ACSL3: variants seen among roughly 807,000 people sequenced by gnomAD.
ACSL3 encodes the protein fatty acid CoA ligase Acsl3.
Under a neutral mutation model 84.7 loss-of-function variants are expected in ACSL3, and 34 were observed. The ratio of observed to expected loss-of-function variants is 0.40; its 90% CI spans 0.31 to 0.53. ACSL3 has a LOEUF of 0.53. Among genes scored for constraint, ACSL3 ranks in the 20% least tolerant of loss-of-function variants. The pLI, the probability that ACSL3 is intolerant of heterozygous loss-of-function variation, is 0.48. For missense variants in ACSL3, 680 were observed against 873.1 expected (o/e 0.78, Z 2.79); for synonymous variants, 315 against 299.4 (o/e 1.05, Z -0.54).
At chr2:222,895,053 C>T (rs905529538) in intron 2 of ACSL3, among the ~76,000 whole-genome samples, 9 of 152,098 alleles carry the variant, frequency 5.9e-5, no homozygotes, top group Non-Finnish European at 7.4e-5. Context: ...ACTACTCTGT[C>T]GTGATTCTTA....
chr2:222,925,488 G>C (rs1011579813), intron 11 of ACSL3, among the ~76,000 whole-genome samples: 1 of 152,102 alleles, frequency 6.6e-6, no homozygotes, highest in Non-Finnish European at 1.5e-5. Context: ...AGCTACTTCA[G>C]GGACTGAAGT....
chr2:222,882,081 T>C (rs1484356848), intron 1 of ACSL3, among the ~76,000 whole-genome samples: 1 of 152,232 alleles, frequency 6.6e-6, no homozygotes, highest in Non-Finnish European at 1.5e-5. Context: ...ATATCAGCTC[T>C]TGTAAACTAG....
intron 1 of ACSL3, among the ~76,000 whole-genome samples, chr2:222,872,982 C>T (rs1210467139): frequency 5.3e-5 from 8 of 152,166 alleles, no homozygotes; most frequent in South Asian, 4.1e-4. Flanking sequence ...AAAATAAAGC[C>T]GTCTCTTAGA....
Position 222,922,716 on chromosome 2 carries a change from A to G in ACSL3, c.965A>G (p.Asp322Gly), listed in dbSNP as rs1696773160. Residue 322 changes from aspartate to glycine, a missense_variant, in exon 9 of 17, where the codon GAT (aspartate) becomes GGT (glycine). Physicochemically the swap from Asp to Gly is moderately conservative, Grantham distance 94. Around this residue, in one of 2 missense-constraint regions of ACSL3, gnomAD observed 347 missense variants for 525.7 expected, o/e 0.66. Transcript: ENST00000357430. ...TCTCCCTTTTCTTTTAGAGAGGAAG[A>G]TGTCTACATTGGATATTTGCCTCTG... ...AERIPELGEE[D>G]VYIGYLPLAH... 1 of 1,614,024 alleles carries G rather than the reference A, an allele frequency of 6.2e-7. No homozygotes were observed. Among genetic ancestry groups the G allele is most frequent in the Non-Finnish European group, 8.5e-7 (1 of 1,179,938 alleles).
In ACSL3 at chr2:222,918,051, A is replaced by G. The variant is rs375127172; in HGVS notation, c.562A>G (p.Thr188Ala). The G allele has an allele frequency of 2.5e-6, 4 of 1,606,644 alleles. No homozygotes were observed. Among genetic ancestry groups the G allele is most frequent in the Non-Finnish European group, 3.4e-6 (4 of 1,175,764 alleles). Reference sequence around the variant, plus strand: ...GCTGCTGCTTTTCCTTTTAGTTGTTACATTATATGCCACTCTAGGAGGTCC... The same window carrying G: ...GCTGCTGCTTTTCCTTTTAGTTGTTGCATTATATGCCACTCTAGGAGGTCC... ...ACFMYNFQLV[T>A]LYATLGGPAI... is the part of the protein sequence containing the mutation. The change falls in exon 6 of 17, where the codon ACA (threonine) becomes GCA (alanine). Residue 188 changes from threonine to alanine, a missense_variant. This residue lies in a region of ACSL3 where 333 missense variants were observed against 347.5 expected (regional missense o/e 0.96). Transcript: ENST00000357430.
At chr2:222,914,008 C>T (rs1469103016) in intron 4 of ACSL3, among the ~76,000 whole-genome samples, 1 of 152,162 alleles carries the variant, frequency 6.6e-6, no homozygotes, top group Non-Finnish European at 1.5e-5. Context: ...TATTTTTACT[C>T]TGTGGCTCCC....
chr2:222,909,107 A>G lies in ACSL3; in HGVS notation c.335A>G (p.Asn112Ser). ...KRLLGTREVL[N>S]EEDEVQPNGK... ...CTCTTGGGAACACGTGAAGTTTTAA[A>G]TGAGGAAGATGAAGTACAACCAAAT... Residue 112 changes from asparagine (N) to serine (S), a missense_variant, in exon 4 of 17, where the codon AAT becomes AGT. Asn to Ser is a conservative substitution (Grantham distance 46). Around this residue, in one of 2 missense-constraint regions of ACSL3, gnomAD observed 333 missense variants for 347.5 expected, o/e 0.96. Coordinates refer to ENST00000357430, the MANE Select transcript of ACSL3 (RefSeq NM_004457.5). 4 of 1,603,392 alleles carry G rather than the reference A, an allele frequency of 2.5e-6. No homozygotes were observed. Among genetic ancestry groups the G allele is most frequent in the South Asian group, 1.1e-5 (1 of 87,638 alleles).
chr2:222,909,556 G>C (rs543818241), intron 4 of ACSL3: 55 of 161,256 alleles, frequency 3.4e-4, no homozygotes, highest in Admixed American at 1.3e-3. Flanking sequence ...GGCTGTGGCA[G>C]TTGCATGGTT....
At chr2:222,933,088 C>A in intron 14 of ACSL3, 78 bp from the exon 15 acceptor site, 1 of 760,608 alleles carries the variant, frequency 1.3e-6, no homozygotes, top group East Asian at 2.9e-5. Flanking sequence ...AGAGAATGGC[C>A]AGTATTTATA....
intron 1 of ACSL3, among the ~76,000 whole-genome samples, chr2:222,887,053 A>G (rs1050812357): frequency 3.3e-5 from 5 of 152,210 alleles, no homozygotes; most frequent in Admixed American, 6.5e-5. Flanking sequence ...TTATTGCCCT[A>G]AAAGTCCTTT....
chr2:222,898,168 T>C (rs1160582402), intron 2 of ACSL3, among the ~76,000 whole-genome samples: 1 of 152,232 alleles, frequency 6.6e-6, no homozygotes, highest in Non-Finnish European at 1.5e-5. Flanking sequence ...ATTTTCCTTG[T>C]GTTGCTTGAC....
Position 222,935,828 on chromosome 2 carries a change from CAGTAATGTTA to C in ACSL3, c.2005+1145_2005+1154del, listed in dbSNP as rs531847814. ...ATCTTAACATTTTAAGTGTACAATT[CAGTAATGTTA>C]AGTGTATTTACATTATTGCACAACT... On this transcript the variant is annotated intron_variant, in intron 16 of 16. Coordinates refer to ENST00000357430, the MANE Select transcript of ACSL3 (RefSeq NM_004457.5). Among the ~76,000 whole-genome samples the C allele has an allele frequency of 5.1e-3, 769 of 152,246 alleles. 4 individuals are homozygous for C. The highest frequency in any genetic ancestry group is 9.7e-3 in the Admixed American group (148 of 15,300).
Position 222,941,911 on chromosome 2 carries a change from A to C in ACSL3, c.*257A>C, listed in dbSNP as rs1697323020. The C allele has an allele frequency of 3.0e-6, 1 of 333,280 alleles. No homozygotes were observed. The highest frequency in any genetic ancestry group is 5.4e-6 in the Non-Finnish European group (1 of 184,960). The allele number at this position is 333,280 out of a possible 1,614,324, so 20.6% of individuals were successfully genotyped here. A position where few individuals can be genotyped will look rare whatever the true frequency, so the allele number is the denominator to read the frequency against. On this transcript the variant is annotated 3_prime_UTR_variant, in exon 17 of 17. Transcript: ENST00000357430. Reference sequence around the variant, plus strand: ...ACTTGTCAGTATGAGAATTTTTCTGAATCATATTGGGGAAGCAGTGATTTT... The same window carrying C: ...ACTTGTCAGTATGAGAATTTTTCTGCATCATATTGGGGAAGCAGTGATTTT...
At chr2:222,890,244 C>T (rs960815806) in intron 2 of ACSL3, among the ~76,000 whole-genome samples, 51 of 151,836 alleles carry the variant, frequency 3.4e-4, no homozygotes, top group African/African-American at 1.2e-3. Flanking sequence ...AGAAACTGGG[C>T]TTTTGGGGGT....
intron 4 of ACSL3, among the ~76,000 whole-genome samples, chr2:222,911,075 G>T (rs1696428609): frequency 6.9e-6 from 1 of 145,576 alleles, no homozygotes; most frequent in Non-Finnish European, 1.5e-5. Context: ...TTGAGATGGA[G>T]TTTCACTCTT....
At chr2:222,862,701 CTT>C (rs1371948661) in intron 1 of ACSL3, among the ~76,000 whole-genome samples, 1 of 104,916 alleles carries the variant, frequency 9.5e-6, no homozygotes, top group African/African-American at 3.7e-5. Context: ...CCTGGTTTCT[CTT>C]TTGTATAAAA....
Position 222,861,095 on chromosome 2 carries a change from G to C in ACSL3, c.-370G>C, listed in dbSNP as rs1015387159. 16 of 152,262 alleles carry C rather than the reference G, an allele frequency of 1.1e-4. No individual in the cohort carries two copies. The highest frequency in any genetic ancestry group is 3.6e-4 in the African/African-American group (15 of 41,462). 9.4% of individuals were successfully genotyped at this position (152,262 alleles called of 1,614,324 possible). A position where few individuals can be genotyped will look rare whatever the true frequency, so the allele number is the denominator to read the frequency against. ...GCAGTTGTCTACGCGGCCGGGGCCG[G>C]GACGAGGAGGCGTTGGACGGGGTCG... On this transcript the variant is annotated 5_prime_UTR_variant, in exon 1 of 17. Coordinates refer to ENST00000357430, the MANE Select transcript of ACSL3 (RefSeq NM_004457.5).
At chr2:222,865,440 T>C (rs1421299583) in intron 1 of ACSL3, among the ~76,000 whole-genome samples, 2 of 152,340 alleles carry the variant, frequency 1.3e-5, no homozygotes, top group South Asian at 2.1e-4. Context: ...TTCATTCATG[T>C]ATTTACTTAG....
intron 2 of ACSL3, among the ~76,000 whole-genome samples, chr2:222,898,491 A>C (rs1696048882): frequency 6.6e-6 from 1 of 152,204 alleles, no homozygotes; most frequent in African/African-American, 2.4e-5. Context: ...GAACATAGGG[A>C]GGCATATCTG....
Sources: allele counts gnomAD v4.1 joint callset (sites outside exome capture counted in the v4.1 genomes callset), GRCh38; gene constraint gnomAD v4.1.1; regional missense constraint gnomAD v4.1.1; transcripts MANE v1.5; gene names NCBI Gene and HGNC (gene_info 2026-07-23, HGNC 2026-07-21).